The following SLC24A2 variants were observed in gnomAD, a reference collection of about 807,000 sequenced individuals.
SLC24A2 encodes sodium/potassium/calcium exchanger 2.
In SLC24A2, 36 loss-of-function variants were observed where a neutral mutation model predicts 62.0. That is an observed-to-expected ratio of 0.58 (90% CI 0.44 to 0.77). The LOEUF (loss-of-function observed/expected upper bound fraction) is 0.77. Ranked by LOEUF, SLC24A2 falls within the 30% of genes least tolerant of loss-of-function variation. SLC24A2 has a pLI of 0.00. For missense variants in SLC24A2, 846 were observed against 817.9 expected (o/e 1.03, Z -0.42); for synonymous variants, 358 against 294.0 (o/e 1.22, Z -2.23).
chr9:20,056,544 T>G, the SLC24A2 span, among the ~76,000 whole-genome samples: 1 of 152,218 alleles, frequency 6.6e-6, no homozygotes. Flanking sequence ...AATGAATTAA[T>G]TACGTAATAA....
chr9:20,157,211 G>A, the SLC24A2 span, among the ~76,000 whole-genome samples: 1 of 151,308 alleles, frequency 6.6e-6, no homozygotes, highest in African/African-American at 2.4e-5. Context: ...GACAATTATG[G>A]CCACATGAAT....
the SLC24A2 span, among the ~76,000 whole-genome samples, chr9:20,263,298 G>A: frequency 6.6e-6 from 1 of 152,152 alleles, no homozygotes; most frequent in Non-Finnish European, 1.5e-5. Context: ...TGTTGCCCAG[G>A]CTGGCCTTCA....
At chr9:20,065,670 G>T in the SLC24A2 span, among the ~76,000 whole-genome samples, 1 of 152,132 alleles carries the variant, frequency 6.6e-6, no homozygotes, top group South Asian at 2.1e-4. Flanking sequence ...CTATATACAG[G>T]TAAGAATCTA....
Position 19,767,737 on chromosome 9 carries a change from GT to G in SLC24A2, c.930+18199del, listed in dbSNP as rs1822563302. 2.6e-5 allele frequency among the ~76,000 whole-genome samples: 4 copies of G among 152,174 alleles called. No individual in the cohort carries two copies. In the South Asian group the frequency reaches 8.3e-4, roughly 32 times the overall value. ...TTGCTGGGAACTGCAGACCAGAGCT[GT>G]TTTTATTCAGCCAACTTGACCAGGA... On this transcript the variant is annotated intron_variant, in intron 2 of 10. Transcript: ENST00000341998.
intron 8 of SLC24A2, among the ~76,000 whole-genome samples, chr9:19,532,513 T>G (rs1833758665): frequency 6.6e-6 from 1 of 152,228 alleles, no homozygotes; most frequent in South Asian, 2.1e-4. Flanking sequence ...TATTAAAATT[T>G]TTTTCCTGAA....
At chr9:19,853,019 A>G in the SLC24A2 span, among the ~76,000 whole-genome samples, 1 of 152,146 alleles carries the variant, frequency 6.6e-6, no homozygotes, top group Non-Finnish European at 1.5e-5. Context: ...TTCTCCTTGA[A>G]GAGGTCCTTC....
At chr9:19,930,636 T>G in the SLC24A2 span, among the ~76,000 whole-genome samples, 1 of 152,202 alleles carries the variant, frequency 6.6e-6, no homozygotes, top group Admixed American at 6.5e-5. Flanking sequence ...AAGCAATGGA[T>G]GCTGTTGGGG....
the SLC24A2 span, among the ~76,000 whole-genome samples, chr9:20,244,530 C>G: frequency 1.1e-4 from 17 of 152,214 alleles, no homozygotes; most frequent in African/African-American, 4.1e-4. Flanking sequence ...TTGCACCACT[C>G]CAAGAGGCGC....
chr9:20,071,555 C>T, the SLC24A2 span, among the ~76,000 whole-genome samples: 16 of 152,166 alleles, frequency 1.1e-4, no homozygotes, highest in Admixed American at 2.0e-4. Context: ...TGTCCATGTT[C>T]TAATCCTCAG....
chr9:20,149,466 T>C, the SLC24A2 span, among the ~76,000 whole-genome samples: 1 of 151,912 alleles, frequency 6.6e-6, no homozygotes, highest in South Asian at 2.1e-4. Flanking sequence ...ATGTCTAAGA[T>C]CAGAGATTGG....
the SLC24A2 span, among the ~76,000 whole-genome samples, chr9:20,288,387 TTGCATCTAGAGGATGAG>T: frequency 6.6e-6 from 1 of 152,066 alleles, no homozygotes; most frequent in Non-Finnish European, 1.5e-5. Context: ...TTCCCTCCTC[TTGCATCTAGAGGATGAG>T]TGCATGCCGG....
chr9:19,550,402 G>C (rs989349674), intron 7 of SLC24A2, 134 bp from the exon 8 acceptor site: 24 of 818,478 alleles, frequency 2.9e-5, no homozygotes, highest in Middle Eastern at 2.4e-4. Context: ...AGCTTCATAT[G>C]TGTGATTTTG....
intron 7 of SLC24A2, among the ~76,000 whole-genome samples, chr9:19,556,231 C>T (rs1375130842): frequency 6.6e-6 from 1 of 152,184 alleles, no homozygotes; most frequent in East Asian, 1.9e-4. Flanking sequence ...TTTGCATGTA[C>T]ATCTTACACT....
the SLC24A2 span, among the ~76,000 whole-genome samples, chr9:19,962,641 C>G: frequency 6.6e-6 from 1 of 152,138 alleles, no homozygotes; most frequent in Non-Finnish European, 1.5e-5. Flanking sequence ...AATGGGAGTT[C>G]ACTCATGATT....
chr9:19,658,992 T>C (rs991771650), intron 2 of SLC24A2, among the ~76,000 whole-genome samples: 1 of 152,168 alleles, frequency 6.6e-6, no homozygotes, highest in Non-Finnish European at 1.5e-5. Flanking sequence ...ACAAGTTGAA[T>C]TGTGTCCTCT....
chr9:20,048,682 C>T, the SLC24A2 span, among the ~76,000 whole-genome samples: 3 of 151,558 alleles, frequency 2.0e-5, no homozygotes, highest in Non-Finnish European at 4.4e-5. Context: ...GGGGAAATAC[C>T]GATTCATTCA....
chr9:19,526,489 T>C (rs867755911), intron 9 of SLC24A2, among the ~76,000 whole-genome samples: 1 of 152,222 alleles, frequency 6.6e-6, no homozygotes, highest in Admixed American at 6.5e-5. Context: ...GATTCTAATT[T>C]CTATACATCC....
At chr9:19,891,543 G>C in the SLC24A2 span, among the ~76,000 whole-genome samples, 1 of 152,110 alleles carries the variant, frequency 6.6e-6, no homozygotes, top group South Asian at 2.1e-4. Context: ...CACATTGTGA[G>C]AGAGGGAGGA....
intron 2 of SLC24A2, among the ~76,000 whole-genome samples, chr9:19,727,830 C>G (rs1239224466): frequency 6.6e-6 from 1 of 152,178 alleles, no homozygotes; most frequent in Non-Finnish European, 1.5e-5. Context: ...TGGTTATTTA[C>G]TTTTGAAAAT....
Sources: gnomAD v4.1 joint callset for allele counts (sites outside exome capture counted in the v4.1 genomes callset) on GRCh38, gnomAD v4.1.1 for gene constraint, MANE v1.5 for transcripts, NCBI Gene and HGNC (gene_info 2026-07-23, HGNC 2026-07-21) for gene names.